LIN28B: variants seen among roughly 807,000 people sequenced by gnomAD.
The protein encoded by LIN28B is protein lin-28 homolog B.
Under a neutral mutation model 21.9 loss-of-function variants are expected in LIN28B, and 5 were observed. The ratio of observed to expected loss-of-function variants is 0.23; its 90% CI spans 0.12 to 0.48. LIN28B has a LOEUF of 0.48. Ranked by LOEUF, LIN28B falls within the 20% of genes least tolerant of loss-of-function variation. LIN28B has a pLI of 0.98. For missense variants in LIN28B, 245 were observed against 310.5 expected (o/e 0.79, Z 1.58); for synonymous variants, 109 against 111.3 (o/e 0.98, Z 0.13).
intron 3 of LIN28B, among the ~76,000 whole-genome samples, chr6:105,058,274 C>T (rs1772060042): frequency 6.6e-6 from 1 of 152,166 alleles, no homozygotes; most frequent in South Asian, 2.1e-4. Context: ...GTTTTCTCTT[C>T]CTCCCACCAC....
chr6:105,012,666 T>C (rs1470206996), intron 2 of LIN28B, among the ~76,000 whole-genome samples: 2 of 152,204 alleles, frequency 1.3e-5, no homozygotes, highest in Non-Finnish European at 2.9e-5. Flanking sequence ...TTCATTCCTT[T>C]TCATTGCTCA....
intron 2 of LIN28B, among the ~76,000 whole-genome samples, chr6:104,966,872 C>T (rs561645874): frequency 1.2e-4 from 18 of 152,242 alleles, no homozygotes; most frequent in Non-Finnish European, 1.9e-4. Flanking sequence ...CCGCCCACTT[C>T]GGCCTCCCAA....
intron 2 of LIN28B, among the ~76,000 whole-genome samples, chr6:104,946,879 T>C (rs937934233): frequency 6.6e-6 from 1 of 152,182 alleles, no homozygotes; most frequent in African/African-American, 2.4e-5. Context: ...TTATCTGAAG[T>C]ATTTTTTAAA....
chr6:105,006,303 C>T (rs1256906437), intron 2 of LIN28B, among the ~76,000 whole-genome samples: 10 of 151,916 alleles, frequency 6.6e-5, no homozygotes, highest in Admixed American at 2.6e-4. Context: ...TGGTTCTGTT[C>T]TGTTTTGTTT....
intron 2 of LIN28B, among the ~76,000 whole-genome samples, chr6:104,993,390 C>G (rs985036079): frequency 6.6e-6 from 1 of 151,326 alleles, no homozygotes; most frequent in Admixed American, 6.6e-5. Context: ...ATCACTTGAG[C>G]TCAGGATTTC....
chr6:104,950,885 A>T (rs1049742488), intron 3 of LIN28B, among the ~76,000 whole-genome samples: 16 of 152,232 alleles, frequency 1.1e-4, no homozygotes, highest in African/African-American at 3.9e-4. Flanking sequence ...TAAAATATGC[A>T]CTAACGAATA....
At chr6:105,058,945 G>T (rs1772075454) in intron 3 of LIN28B, among the ~76,000 whole-genome samples, 1 of 152,148 alleles carries the variant, frequency 6.6e-6, no homozygotes, top group African/African-American at 2.4e-5. Context: ...CATGGCTTTG[G>T]AAAGGGCTGC....
At chr6:105,018,854 G>A (rs1771080001) in intron 2 of LIN28B, among the ~76,000 whole-genome samples, 1 of 151,852 alleles carries the variant, frequency 6.6e-6, no homozygotes, top group Non-Finnish European at 1.5e-5. Context: ...TTTTATTGAT[G>A]TTATATTGTC....
Position 105,083,287 on chromosome 6 carries a change from A to T in LIN28B, c.*4504A>T, listed in dbSNP as rs191594875. ...GTCAATTATGGATATGTTGAGGTTT[A>T]AAAAAATTACTTGATTAAAAATAAA... On this transcript the variant is annotated 3_prime_UTR_variant, in exon 4 of 4. Coordinates refer to ENST00000345080, the MANE Select transcript of LIN28B (RefSeq NM_001004317.4). 22 of 152,384 alleles carry T rather than the reference A, an allele frequency of 1.4e-4. 1 individual carries two copies. Among genetic ancestry groups the T allele is most frequent in the Middle Eastern group, 6.8e-3 (2 of 294 alleles). The allele number at this position is 152,384 out of a possible 1,614,324, so 9.4% of individuals were successfully genotyped here.
intron 2 of LIN28B, among the ~76,000 whole-genome samples, chr6:105,013,279 G>A (rs1770960100): frequency 6.6e-6 from 1 of 151,930 alleles, no homozygotes; most frequent in Non-Finnish European, 1.5e-5. Context: ...CCAAACTGCT[G>A]GGATTACAGG....
intron 3 of LIN28B, among the ~76,000 whole-genome samples, chr6:105,040,556 C>G (rs1032740889): frequency 1.3e-5 from 2 of 151,630 alleles, no homozygotes; most frequent in Admixed American, 1.3e-4. Context: ...TAAATACACA[C>G]AAATACACAT....
At chr6:104,985,945 G>A (rs1301483914) in intron 2 of LIN28B, among the ~76,000 whole-genome samples, 1 of 152,060 alleles carries the variant, frequency 6.6e-6, no homozygotes, top group African/African-American at 2.4e-5. Flanking sequence ...CATAAATCAG[G>A]TGATTGCATA....
chr6:104,973,770 C>T (rs1770026713), intron 2 of LIN28B, among the ~76,000 whole-genome samples: 1 of 152,166 alleles, frequency 6.6e-6, no homozygotes, highest in Admixed American at 6.5e-5. Context: ...TGTTCTGTCT[C>T]TTTAGGTATT....
chr6:105,055,315 T>C (rs1772000923), intron 3 of LIN28B, among the ~76,000 whole-genome samples: 1 of 152,194 alleles, frequency 6.6e-6, no homozygotes, highest in Non-Finnish European at 1.5e-5. Context: ...CCATTTCATA[T>C]TGTCCCTCGT....
chr6:105,065,027 T>C lies in LIN28B; in HGVS notation c.384-13387T>C, dbSNP rs117354335. Among the ~76,000 whole-genome samples, 618 of 152,362 alleles carry C rather than the reference T, an allele frequency of 4.1e-3. 2 individuals carry two copies. Among genetic ancestry groups the C allele is most frequent in the Non-Finnish European group, 6.0e-3 (411 of 68,022 alleles). ...AGTATTTGGACTTGTATAAACAATC[T>C]GGTTCTATCTGGGGATTCTCCAGGG... On this transcript the variant is annotated intron_variant, in intron 3 of 3. Transcript: ENST00000345080.
At chr6:104,950,318 CTT>C (rs1778206398) in intron 2 of LIN28B, 2 of 417,356 alleles carry the variant, frequency 4.8e-6, no homozygotes, top group Non-Finnish European at 8.2e-6. Flanking sequence ...CTAGGTGAGT[CTT>C]AAACTGTAAA....
chr6:105,037,416 T>A (rs1040633766), intron 3 of LIN28B, among the ~76,000 whole-genome samples: 4 of 152,166 alleles, frequency 2.6e-5, no homozygotes, highest in African/African-American at 9.7e-5. Flanking sequence ...TTTTTGAAAT[T>A]TGGTTAAAAT....
intron 3 of LIN28B, among the ~76,000 whole-genome samples, chr6:105,029,527 GT>G (rs561271276): frequency 4.0e-5 from 6 of 149,758 alleles, no homozygotes; most frequent in South Asian, 4.3e-4. Flanking sequence ...TTTTATGCTG[GT>G]TTTTTTTTTC....
rs539808470 is a variant in LIN28B, at chr6:104,946,430, T to C, written c.19-4031T>C. Reference sequence around the variant, plus strand: ...CATTTGAATTTAGTCTGTTGACTAATTGCAAAAAATAATTACAGTAAGGTT... The same window carrying C: ...CATTTGAATTTAGTCTGTTGACTAACTGCAAAAAATAATTACAGTAAGGTT... On this transcript the variant is annotated intron_variant, in intron 2 of 5. Transcript: ENST00000635857. Among the ~76,000 whole-genome samples the C allele has an allele frequency of 4.6e-5, 7 of 152,230 alleles. No individual in the cohort carries two copies. The East Asian group carries it at 1.2e-3, about 25-fold the overall frequency.
Sources: allele counts gnomAD v4.1 joint callset (sites outside exome capture counted in the v4.1 genomes callset), GRCh38; gene constraint gnomAD v4.1.1; transcripts MANE v1.5; gene names NCBI Gene and HGNC (gene_info 2026-07-23, HGNC 2026-07-21).